Variants in ALLC observed in about 807,000 individuals in gnomAD.
ALLC encodes allantoicase.
A neutral mutation model predicts 45.0 loss-of-function variants in ALLC; 40 were observed. That is an observed-to-expected ratio of 0.89 (90% confidence interval 0.69 to 1.16). The LOEUF (loss-of-function observed/expected upper bound fraction) is 1.16, where lower values mean the gene tolerates loss of function less well. Ranked by LOEUF, ALLC falls within the 50% of genes most tolerant of loss-of-function variation. The pLI, the probability that ALLC is intolerant of heterozygous loss-of-function variation, is 0.00. For synonymous variants in ALLC, 176 were observed against 178.1 expected, an observed-to-expected ratio of 0.99 and a Z score of 0.09; for missense variants, 488 against 493.1, an observed-to-expected ratio of 0.99 and a Z score of 0.10.
At chr2:3,654,062 T>C (rs1166046247), upstream of ALLC, among the ~76,000 whole-genome samples, 1 of 152,248 alleles carries the variant, frequency 6.6e-6, no homozygotes, top group Admixed American at 6.5e-5. Flanking sequence ...CGGTCTCATC[T>C]GAAGGCTTGA....
At chr2:3,688,949 G>A (rs1667403357) in intron 7 of ALLC, 1 of 177,452 alleles carries the variant, frequency 5.6e-6, no homozygotes, top group Admixed American at 5.3e-5. Context: ...GGTGCTTAAT[G>A]TGGCCAAATT....
chr2:3,675,619 CACTT>C (rs767613489), intron 3 of ALLC, among the ~76,000 whole-genome samples: 5 of 151,952 alleles, frequency 3.3e-5, no homozygotes, highest in East Asian at 1.9e-4. Context: ...CACATATAAA[CACTT>C]ACACACTACA....
intron 7 of ALLC, among the ~76,000 whole-genome samples, chr2:3,684,010 T>C (rs1667264252): frequency 6.6e-6 from 1 of 152,264 alleles, no homozygotes; most frequent in African/African-American, 2.4e-5. Flanking sequence ...TGACAGACAC[T>C]TGTTTCCATC....
At chr2:3,662,029 CAA>C (rs199803305) in intron 1 of ALLC, among the ~76,000 whole-genome samples, 7,196 of 152,244 alleles carry the variant, frequency 0.047, 534 homozygotes, top group African/African-American at 0.16. Flanking sequence ...AGGCCTCTCT[CAA>C]GTCTCTGCCC....
chr2:3,672,626 T>C (rs1572511908), intron 2 of ALLC, among the ~76,000 whole-genome samples: 1 of 134,478 alleles, frequency 7.4e-6, no homozygotes, highest in East Asian at 2.1e-4. Flanking sequence ...TAGGAGGTCC[T>C]CTGGCTCTGG....
rs373790772 is a variant in ALLC, at chr2:3,680,622, G to A, written c.298+628G>A. Reference sequence around the variant, plus strand: ...GGGTATTTTATTGGGGGAACTTACGGACAGAAGCGTGGCCTTGGGCAGCAG... The same window carrying A: ...GGGTATTTTATTGGGGGAACTTACGAACAGAAGCGTGGCCTTGGGCAGCAG... On this transcript the variant is annotated intron_variant, in intron 5 of 11. Transcript: ENST00000252505. The surrounding 1 kb of genome is among the most constrained non-coding windows in gnomAD (Gnocchi z 4.0). 1.1e-4 allele frequency among the ~76,000 whole-genome samples: 17 copies of A among 152,318 alleles called. No homozygotes were observed. The South Asian group carries it at 1.9e-3, about 17-fold the overall frequency.
At chr2:3,675,633 A>C (rs1366609762) in intron 3 of ALLC, among the ~76,000 whole-genome samples, 1 of 151,744 alleles carries the variant, frequency 6.6e-6, no homozygotes, top group Non-Finnish European at 1.5e-5. Flanking sequence ...TACACACTAC[A>C]TATGTGTATA....
intron 3 of ALLC, among the ~76,000 whole-genome samples, chr2:3,674,719 C>T (rs1463268438): frequency 1.3e-5 from 2 of 152,150 alleles, no homozygotes; most frequent in African/African-American, 2.4e-5. Flanking sequence ...CTGGGCAGGA[C>T]CTGGCTGGGT....
At chr2:3,693,646 A>G (rs185616606) in intron 7 of ALLC, among the ~76,000 whole-genome samples, 5 of 152,362 alleles carry the variant, frequency 3.3e-5, no homozygotes, top group Admixed American at 3.3e-4. Context: ...TGGGGAACAC[A>G]GGAGAAGCTC....
At position 3,702,605 on chromosome 2, in the gene ALLC, CCAGT is replaced by C. The variant is rs1333542633; in HGVS notation, c.*45_*48del. The C allele has an allele frequency of 3.3e-6, 5 of 1,492,644 alleles. No homozygotes were observed. Among genetic ancestry groups the C allele is most frequent in the Non-Finnish European group, 4.5e-6 (5 of 1,119,882 alleles). 92.5% of individuals were successfully genotyped at this position (1,492,644 alleles called of 1,614,324 possible). ...GTGTCGGACACACAGCAGTAATTTC[CCAGT>C]CATAGTCTTCTTTTCAAATGTTTTG... On this transcript the variant is annotated 3_prime_UTR_variant, in exon 12 of 12. Transcript: ENST00000252505.
intron 1 of ALLC, among the ~76,000 whole-genome samples, chr2:3,661,645 CCT>C (rs1341181383): frequency 6.6e-6 from 1 of 152,184 alleles, no homozygotes; most frequent in Admixed American, 6.5e-5. Context: ...GGTCATTGCC[CCT>C]CTCAGCCTAA....
Position 3,671,088 on chromosome 2 carries a change from C to T in ALLC, c.-62-8C>T. The T allele has an allele frequency of 6.4e-7, 1 of 1,565,736 alleles. No homozygotes were observed. Among genetic ancestry groups the T allele is most frequent in the Non-Finnish European group, 8.7e-7 (1 of 1,150,166 alleles). Reference sequence around the variant, plus strand: ...CCAAGGTTGACCGAGCTGCCCTCTCCCTTCCAGGAAGCACGGCTGATGCTC... The same window carrying T: ...CCAAGGTTGACCGAGCTGCCCTCTCTCTTCCAGGAAGCACGGCTGATGCTC... On this transcript the variant is annotated splice_region_variant and splice_polypyrimidine_tract_variant and intron_variant, in intron 1 of 11. Coordinates refer to ENST00000252505, the MANE Select transcript of ALLC (RefSeq NM_018436.4).
intron 6 of ALLC, among the ~76,000 whole-genome samples, chr2:3,682,651 G>A (rs55744593): frequency 0.013 from 1,966 of 152,016 alleles, 33 homozygotes; most frequent in African/African-American, 0.04. Flanking sequence ...TCAGCCTCCC[G>A]AGTAGCTGGG....
At chr2:3,673,323 C>T (rs1572512499) in intron 2 of ALLC, among the ~76,000 whole-genome samples, 2 of 152,210 alleles carry the variant, frequency 1.3e-5, no homozygotes, top group Non-Finnish European at 2.9e-5. Context: ...AGATCTGGAG[C>T]AAGGGGGATC....
At chr2:3,682,680 C>G (rs535270766) in intron 6 of ALLC, among the ~76,000 whole-genome samples, 2 of 152,114 alleles carry the variant, frequency 1.3e-5, no homozygotes, top group African/African-American at 4.8e-5. Flanking sequence ...CGCCCGCCAC[C>G]ACGCCCGGCT....
chr2:3,663,005 CAT>C (rs900325850), intron 1 of ALLC, among the ~76,000 whole-genome samples: 4 of 152,190 alleles, frequency 2.6e-5, no homozygotes, highest in African/African-American at 7.2e-5. Flanking sequence ...AGTATGGAAA[CAT>C]AGTGCCTGCA....
chr2:3,698,781 C>CT (rs1280609491), intron 10 of ALLC, among the ~76,000 whole-genome samples: 1 of 137,846 alleles, frequency 7.3e-6, no homozygotes, highest in Non-Finnish European at 1.7e-5. Context: ...TTTAATTATA[C>CT]TTTAAGTTTT....
At chr2:3,661,616 G>C (rs941870889) in intron 1 of ALLC, among the ~76,000 whole-genome samples, 1 of 152,236 alleles carries the variant, frequency 6.6e-6, no homozygotes, top group Admixed American at 6.5e-5. Flanking sequence ...GCAAGTCTTT[G>C]CTTTGGGAAG....
At chr2:3,671,260 G>A in intron 2 of ALLC, 70 bp downstream of exon 2, 3 of 1,534,970 alleles carry the variant, frequency 2.0e-6, no homozygotes, top group Non-Finnish European at 2.7e-6. Flanking sequence ...CACCAGTGCA[G>A]AGAACCTCAT....
Sources: allele counts gnomAD v4.1 joint callset (sites outside exome capture counted in the v4.1 genomes callset), GRCh38; gene constraint gnomAD v4.1.1; non-coding constraint Gnocchi (gnomAD v3.1); transcripts MANE v1.5; gene names NCBI Gene and HGNC (gene_info 2026-07-23, HGNC 2026-07-21).